WNK4: variants seen among roughly 807,000 people sequenced by gnomAD.
WNK4 encodes the protein serine/threonine-protein kinase WNK4.
WNK4 carries 94 observed loss-of-function variants against 116.2 expected under a neutral mutation model. The observed-to-expected ratio is 0.81, with a 90% CI of 0.68 to 0.96. The LOEUF (loss-of-function observed/expected upper bound fraction) is 0.96. Ranked by LOEUF, WNK4 falls within the 40% of genes least tolerant of loss-of-function variation. WNK4 has a pLI of 0.00. For synonymous variants in WNK4, 655 were observed against 672.7 expected (o/e 0.97, Z 0.41); for missense variants, 1,542 against 1,650.6 (o/e 0.93, Z 1.14).
chr17:42,787,174 T>C (rs1037330494), intron 6 of WNK4, 104 bp from the exon 7 acceptor site: 14 of 1,523,834 alleles, frequency 9.2e-6, no homozygotes, highest in African/African-American at 1.4e-5. Context: ...TCAGTAAGTG[T>C]TGGTTTTCTT....
At chr17:42,785,578 C>G in intron 6 of WNK4, 96 bp downstream of exon 6, 1 of 1,396,784 alleles carries the variant, frequency 7.2e-7, no homozygotes, top group Non-Finnish European at 9.9e-7. Context: ...GGGGTGGCAG[C>G]GATGGGGGCG....
chr17:42,793,000 T>C (rs936301960), intron 11 of WNK4, among the ~76,000 whole-genome samples: 2 of 152,216 alleles, frequency 1.3e-5, no homozygotes, highest in Admixed American at 1.3e-4. Context: ...TTATCTTAAT[T>C]CTACCATAGC....
intron 11 of WNK4, among the ~76,000 whole-genome samples, chr17:42,789,300 G>A (rs2054585092): frequency 6.6e-6 from 1 of 152,188 alleles, no homozygotes; most frequent in Non-Finnish European, 1.5e-5. Context: ...TCCTATAGGA[G>A]AGTTGTGGGG....
chr17:42,795,941 C>T lies in WNK4; in HGVS notation c.3339C>T (p.Tyr1113=), dbSNP rs1213338788. ...ATCCCAGCCCAGTGTGGATGAACTA[C>T]TCCTACAGCAGCCTGTGTTTGAGCA... ...LSHPSPVWMN[Y]SYSSLCLSSE... is the part of the protein sequence containing the mutation. The change falls in exon 16 of 19, where the codon TAC becomes TAT. Residue 1113 remains tyrosine (Y), a synonymous_variant. Coordinates refer to ENST00000246914, the MANE Select transcript of WNK4 (RefSeq NM_032387.5). 6.2e-7 allele frequency: 1 copy of T among 1,613,046 alleles called. No homozygotes were observed. Among genetic ancestry groups the T allele is most frequent in the Non-Finnish European group, 8.5e-7 (1 of 1,179,730 alleles).
At position 42,795,636 on chromosome 17, in the gene WNK4, C is replaced by A. The variant is rs749399538; in HGVS notation, c.3034C>A (p.Gln1012Lys). ...TCGTCGCCCTACAGAGGGAAAGCCG[C>A]AGCTTGTTGGGCGTTTCCAAGTGAC... The part of the protein sequence containing the change: ...LAPISEEGKP[Q>K]LVGRFQVTSS... The change falls in exon 16 of 19, where the codon CAG becomes AAG. Residue 1012 changes from glutamine (Q) to lysine (K), a missense_variant. By Grantham distance (53) the Gln-to-Lys change is moderately conservative. Transcript: ENST00000246914. 5 of 1,613,790 alleles carry A rather than the reference C, an allele frequency of 3.1e-6. No individual in the cohort carries two copies. The highest frequency in any genetic ancestry group is 3.3e-5 in the Admixed American group (2 of 60,032).
chr17:42,781,001 CT>C lies in WNK4; in HGVS notation c.304del (p.Ser102ProfsTer15). The C allele has an allele frequency of 6.2e-7, 1 of 1,610,366 alleles. No individual in the cohort carries two copies. The highest frequency in any genetic ancestry group is 8.5e-7 in the Non-Finnish European group (1 of 1,179,218). Reference protein sequence around the residue: ...PGPARSPPPSSKEPPEGTWTE... With the variant: ...PGPARSPPPSXKEPPEGTWTE... ...GCCCCGCGAGGAGCCCACCGCCTAG[CT>C]CCAAAGAACCCCCCGAGGGCACGTG... On this transcript the variant is annotated frameshift_variant, in exon 1 of 19. Coordinates refer to ENST00000246914, the MANE Select transcript of WNK4 (RefSeq NM_032387.5). LOFTEE classifies it high-confidence loss of function.
chr17:42,788,817 G>C lies in WNK4; in HGVS notation c.2157+20G>C. 1.3e-6 allele frequency: 2 copies of C among 1,573,242 alleles called. No individual in the cohort carries two copies. The highest frequency in any genetic ancestry group is 1.8e-6 in the Non-Finnish European group (2 of 1,142,728). On this transcript the variant is annotated intron_variant, in intron 11 of 18. Transcript: ENST00000246914. ...GCCATGGTGAGGGGGAGAGAGATGA[G>C]GACAGAGTGTTTGGATCTGGAACAA... is the stretch of plus-strand genomic sequence containing the variant.
At position 42,782,095 on chromosome 17, in the gene WNK4, A is replaced by AG; in HGVS notation, c.619-659dup. 6.6e-6 allele frequency among the ~76,000 whole-genome samples: 1 copy of AG among 152,256 alleles called. No individual in the cohort carries two copies. Among genetic ancestry groups the AG allele is most frequent in the East Asian group, 1.9e-4 (1 of 5,170 alleles). On this transcript the variant is annotated intron_variant, in intron 1 of 18. Coordinates refer to ENST00000246914, the MANE Select transcript of WNK4 (RefSeq NM_032387.5). This position sits in a 1 kb window ranked among gnomAD's most constrained non-coding sequence, Gnocchi z 4.2. ...CGATTCAGATCAGGGGACAGAGCCT[A>AG]GGGGAAGGGTCCCTCTCCAGCCCTG... is the stretch of plus-strand genomic sequence containing the variant.
Position 42,788,207 on chromosome 17 carries a change from TG to T in WNK4, c.1922+23del, listed in dbSNP as rs751527442. On this transcript the variant is annotated intron_variant, in intron 9 of 18. Transcript: ENST00000246914. ...GGGACAGGTATGTTCTGGTACAAGT[TG>T]GGGTGCCAGGGTGAGACACCTGGGG... The T allele has an allele frequency of 6.2e-7, 1 of 1,614,112 alleles. No homozygotes were observed.
Position 42,781,156 on chromosome 17 carries a change from A to G in WNK4, c.458A>G (p.Glu153Gly), listed in dbSNP as rs78058990. 6 of 1,613,494 alleles carry G rather than the reference A, an allele frequency of 3.7e-6. No individual in the cohort carries two copies. In the Admixed American group the frequency reaches 8.3e-5, roughly 22 times the overall value. ...PEAVALERRR[E>G]QEEKEDMETQ... ...GCTGTGGCCCTAGAGCGGCGGCGGG[A>G]GCAGGAAGAAAAGGAGGACATGGAG... Residue 153 changes from glutamate (E) to glycine (G), a missense_variant, in exon 1 of 19, where the codon GAG (glutamate) becomes GGG (glycine). By Grantham distance (98) the Glu-to-Gly change is moderately conservative. This residue lies in a region of WNK4 where 243 missense variants were observed against 217.8 expected (regional missense o/e 1.12). Transcript: ENST00000246914.
At position 42,785,182 on chromosome 17, in the gene WNK4, A is replaced by G. The variant is rs751095105; in HGVS notation, c.1256A>G (p.Glu419Gly). 6.2e-7 allele frequency: 1 copy of G among 1,613,768 alleles called. No homozygotes were observed. Among genetic ancestry groups the G allele is most frequent in the East Asian group, 2.2e-5 (1 of 44,872 alleles). ...IEGCIRTDKN[E>G]RFTIQDLLAH... ...GGCTGCATCCGCACGGATAAGAACG[A>G]GAGGTGGGGGTGAAAGGGCAGAGCG... The change falls in exon 5 of 19, where the codon GAG becomes GGG. Residue 419 changes from glutamate (E) to glycine (G), a missense_variant. By Grantham distance (98) the Glu-to-Gly change is moderately conservative. Coordinates refer to ENST00000246914, the MANE Select transcript of WNK4 (RefSeq NM_032387.5).
At position 42,785,260 on chromosome 17, in the gene WNK4, C is replaced by G; in HGVS notation, c.1260-6C>G. 1 of 1,608,538 alleles carries G rather than the reference C, an allele frequency of 6.2e-7. No individual in the cohort carries two copies. Among genetic ancestry groups the G allele is most frequent in the Non-Finnish European group, 8.5e-7 (1 of 1,177,880 alleles). Reference sequence around the variant, plus strand: ...CGGGCTCGGCTCACCCACGCGTCACCCTCAGGTTCACCATCCAGGACCTCC... The same window carrying G: ...CGGGCTCGGCTCACCCACGCGTCACGCTCAGGTTCACCATCCAGGACCTCC... On this transcript the variant is annotated splice_region_variant and splice_polypyrimidine_tract_variant and intron_variant, in intron 5 of 18. Transcript: ENST00000246914.
Position 42,796,558 on chromosome 17 carries a change from G to A in WNK4, c.3709G>A (p.Ala1237Thr), listed in dbSNP as rs540144740. Reference sequence around the variant, plus strand: ...GCGGGCAAGCAAGGGGGTGACATTCGCCGGGGATGTTGGCAGGATGGTGAG... The same window carrying A: ...GCGGGCAAGCAAGGGGGTGACATTCACCGGGGATGTTGGCAGGATGGTGAG... ...EQRASKGVTF[A>T]GDVGRM The change falls in exon 18 of 19, where the codon GCC becomes ACC. Residue 1237 changes from alanine (A) to threonine (T), a missense_variant. This residue lies in a region of WNK4 where 148 missense variants were observed against 157.2 expected (regional missense o/e 0.94). Coordinates refer to ENST00000246914, the MANE Select transcript of WNK4 (RefSeq NM_032387.5). 5.0e-6 allele frequency: 8 copies of A among 1,614,188 alleles called. No homozygotes were observed. The highest frequency in any genetic ancestry group is 2.2e-5 in the East Asian group (1 of 44,892).
At chr17:42,790,238 C>T (rs966350776) in intron 11 of WNK4, among the ~76,000 whole-genome samples, 3 of 151,922 alleles carry the variant, frequency 2.0e-5, no homozygotes, top group African/African-American at 4.8e-5. Context: ...AACCTATTGA[C>T]GTAGTAGAGA....
At chr17:42,792,884 A>T (rs2054620318) in intron 11 of WNK4, among the ~76,000 whole-genome samples, 1 of 152,214 alleles carries the variant, frequency 6.6e-6, no homozygotes, top group African/African-American at 2.4e-5. Context: ...TTGTGTCCAA[A>T]ACATGGGAGG....
rs56030257 is a variant in WNK4 at position 42,788,154 on chromosome 17, T to C, written c.1888T>C (p.Ser630Pro). The C allele has an allele frequency of 7.1e-4, 1,148 of 1,614,184 alleles. No individual in the cohort carries two copies. Among genetic ancestry groups the C allele is most frequent in the Admixed American group, 1.5e-3 (90 of 60,024 alleles). Residue 630 changes from serine to proline, a missense_variant, in exon 9 of 19, where the codon TCT becomes CCT. By Grantham distance (74) the Ser-to-Pro change is moderately conservative. This residue lies in a region of WNK4 where 808 missense variants were observed against 873.6 expected (regional missense o/e 0.92). Transcript: ENST00000246914. ...PSAFALSIPR[S>P]GPGSDFSPGD... ...GGCTTTTGCCCTATCCATTCCACGT[T>C]CTGGCCCTGGAAGTGACTTTTCCCC... is the stretch of plus-strand genomic sequence containing the variant.
chr17:42,783,790 G>A, intron 2 of WNK4, 147 bp from the exon 3 acceptor site: 1 of 770,966 alleles, frequency 1.3e-6, no homozygotes, highest in Non-Finnish European at 2.2e-6. Context: ...GTTTCTCCCT[G>A]GGGCCGGGCA....
chr17:42,781,725 C>G (rs2054485837), intron 1 of WNK4, among the ~76,000 whole-genome samples: 1 of 152,164 alleles, frequency 6.6e-6, no homozygotes, highest in African/African-American at 2.4e-5. Flanking sequence ...CCTCCCGTCC[C>G]CCACCTATTT....
intron 11 of WNK4, among the ~76,000 whole-genome samples, chr17:42,790,134 T>C (rs1277907179): frequency 1.3e-5 from 2 of 152,184 alleles, no homozygotes; most frequent in Non-Finnish European, 2.9e-5. Context: ...GGAAGCCATC[T>C]GTGGACAAAG....
Sources: gnomAD v4.1 joint callset for allele counts (sites outside exome capture counted in the v4.1 genomes callset) on GRCh38, gnomAD v4.1.1 for gene constraint, gnomAD v4.1.1 regional missense constraint, Gnocchi (gnomAD v3.1) non-coding constraint, MANE v1.5 for transcripts, NCBI Gene and HGNC (gene_info 2026-07-23, HGNC 2026-07-21) for gene names.